GPHN: variants seen among roughly 807,000 people sequenced by gnomAD.
GPHN encodes gephyrin.
Under a neutral mutation model 95.5 loss-of-function variants are expected in GPHN, and 17 were observed. The ratio of observed to expected loss-of-function variants is 0.18; its 90% confidence interval spans 0.12 to 0.27. The LOEUF is 0.27. GPHN is among the 10% of genes least tolerant of loss of function. The probability of loss-of-function intolerance (pLI) is 1.00; values close to 1 mark genes in which losing one functional copy is unlikely to be tolerated. For missense variants in GPHN, 660 were observed against 978.1 expected, an observed-to-expected ratio of 0.67 and a Z score of 4.34; for synonymous variants, 320 against 322.5, an observed-to-expected ratio of 0.99 and a Z score of 0.08.
At chr14:67,342,332 T>C in the GPHN span, among the ~76,000 whole-genome samples, 3 of 151,902 alleles carry the variant, frequency 2.0e-5, no homozygotes, top group African/African-American at 7.3e-5. Context: ...TTTCTATGCA[T>C]AGATAACCTA....
intron 1 of GPHN, among the ~76,000 whole-genome samples, chr14:66,580,915 C>T (rs551178911): frequency 2.0e-5 from 3 of 151,778 alleles, no homozygotes; most frequent in African/African-American, 4.8e-5. Context: ...CAGAAATTCT[C>T]AATGAAATAC....
the GPHN span, among the ~76,000 whole-genome samples, chr14:67,520,295 A>G: frequency 3.3e-5 from 5 of 152,296 alleles, no homozygotes; most frequent in Admixed American, 3.3e-4. Flanking sequence ...TATCATATGG[A>G]ATATTTTCAC....
At chr14:67,310,063 T>C in the GPHN span, among the ~76,000 whole-genome samples, 1 of 100,344 alleles carries the variant, frequency 1.0e-5, no homozygotes, top group Non-Finnish European at 1.7e-5. Context: ...GCTCAAGCAC[T>C]TTTTTTTTTT....
At chr14:66,917,426 C>A (rs7156081) in intron 6 of GPHN, among the ~76,000 whole-genome samples, 37,565 of 152,058 alleles carry the variant, frequency 0.25, 9,344 homozygotes, top group African/African-American at 0.61. Context: ...ATCTCTTGTT[C>A]TGAACCTCTT....
At chr14:67,575,447 A>G in the GPHN span, 1 of 1,607,546 alleles carries the variant, frequency 6.2e-7, no homozygotes, top group Non-Finnish European at 8.5e-7. Context: ...AAAATCTTCT[A>G]CTACTATCGG....
the GPHN span, chr14:67,279,298 T>G: frequency 6.2e-7 from 1 of 1,613,528 alleles, no homozygotes; most frequent in Non-Finnish European, 8.5e-7. Flanking sequence ...CCTGGAGATT[T>G]GGGCACCAGG....
the GPHN span, among the ~76,000 whole-genome samples, chr14:67,217,080 G>A: frequency 2.6e-5 from 4 of 151,998 alleles, no homozygotes; most frequent in Admixed American, 6.6e-5. Context: ...TTATAAATCT[G>A]GGTGCTCCAG....
At chr14:67,123,974 A>G (rs2079152824) in intron 17 of GPHN, among the ~76,000 whole-genome samples, 1 of 152,178 alleles carries the variant, frequency 6.6e-6, no homozygotes, top group Admixed American at 6.5e-5. Context: ...CTTTTATGTC[A>G]TCTAACCTTT....
intron 1 of GPHN, among the ~76,000 whole-genome samples, chr14:66,546,259 C>A (rs1016700932): frequency 1.3e-5 from 2 of 151,292 alleles, no homozygotes; most frequent in Admixed American, 6.6e-5. Context: ...GGATGGCGGC[C>A]GGGCAGAGAC....
At chr14:66,817,549 T>C (rs758789490) in intron 3 of GPHN, among the ~76,000 whole-genome samples, 53 of 152,262 alleles carry the variant, frequency 3.5e-4, no homozygotes, top group African/African-American at 7.5e-4. Flanking sequence ...TTAACACATA[T>C]AGTGATTTGT....
chr14:67,361,174 T>C, the GPHN span, among the ~76,000 whole-genome samples: 1 of 152,274 alleles, frequency 6.6e-6, no homozygotes, highest in Non-Finnish European at 1.5e-5. Flanking sequence ...ACAGTCATGC[T>C]GAGGTCTCTT....
At chr14:67,564,542 C>T in the GPHN span, among the ~76,000 whole-genome samples, 1 of 152,122 alleles carries the variant, frequency 6.6e-6, no homozygotes, top group Non-Finnish European at 1.5e-5. Context: ...ACTGCAACCT[C>T]TGCCTCCTGG....
the GPHN span, among the ~76,000 whole-genome samples, chr14:67,457,310 A>T: frequency 6.6e-6 from 1 of 152,158 alleles, no homozygotes; most frequent in African/African-American, 2.4e-5. Context: ...AAAGAAACAA[A>T]CAGCAGGGCA....
chr14:67,702,074 C>T, the GPHN span: 2 of 152,080 alleles, frequency 1.3e-5, no homozygotes, highest in African/African-American at 2.4e-5. Flanking sequence ...GCCTTGGCCT[C>T]CTAAAGCATT....
the GPHN span, among the ~76,000 whole-genome samples, chr14:67,429,929 CAGATTCCAAG>C: frequency 3.4e-4 from 52 of 152,248 alleles, no homozygotes; most frequent in Admixed American, 1.0e-3. Context: ...AATGAAGAAA[CAGATTCCAAG>C]AGATTCCAAG....
chr14:66,775,500 A>G (rs1324791920), intron 2 of GPHN, among the ~76,000 whole-genome samples: 1 of 152,202 alleles, frequency 6.6e-6, no homozygotes, highest in Non-Finnish European at 1.5e-5. Flanking sequence ...ATTTAACCCA[A>G]TATATCAAAA....
chr14:67,179,480 C>T, intron 21 of GPHN, 98 bp from the exon 22 acceptor site: 1 of 745,432 alleles, frequency 1.3e-6, no homozygotes, highest in Non-Finnish European at 2.5e-6. Flanking sequence ...AGGTTAGTCT[C>T]CATGTCCACT....
the GPHN span, chr14:67,559,660 T>A: frequency 6.2e-7 from 1 of 1,607,048 alleles, no homozygotes; most frequent in Non-Finnish European, 8.5e-7. Flanking sequence ...GCTGCAAAGA[T>A]CAAGGAATGG....
chr14:67,175,891 G>T (rs2082912615), intron 21 of GPHN, among the ~76,000 whole-genome samples: 1 of 152,122 alleles, frequency 6.6e-6, no homozygotes, highest in Admixed American at 6.5e-5. Flanking sequence ...TGTGTTATTG[G>T]TGTATACGAA....
Sources: gnomAD v4.1 joint callset for allele counts (sites outside exome capture counted in the v4.1 genomes callset) on GRCh38, gnomAD v4.1.1 for gene constraint, MANE v1.5 for transcripts, NCBI Gene and HGNC (gene_info 2026-07-23, HGNC 2026-07-21) for gene names.